EPHA6: variants seen among roughly 807,000 people sequenced by gnomAD.
The protein encoded by EPHA6 is EPH receptor A6, also known as ephrin type-A receptor 6.
EPHA6 carries 50 observed loss-of-function variants against 112.0 expected under a neutral mutation model. That is an observed-to-expected ratio of 0.45 (90% CI 0.36 to 0.56). The LOEUF is 0.56. Among genes scored for constraint, EPHA6 ranks in the 20% least tolerant of loss-of-function variants. The pLI, the probability that EPHA6 is intolerant of heterozygous loss-of-function variation, is 0.00. For synonymous variants in EPHA6, 529 were observed against 490.7 expected (o/e 1.08, Z -1.03); for missense variants, 1,280 against 1,417.4 (o/e 0.90, Z 1.56).
intron 2 of EPHA6, among the ~76,000 whole-genome samples, chr3:96,970,636 G>A (rs1055671280): frequency 1.3e-5 from 2 of 152,040 alleles, no homozygotes; most frequent in African/African-American, 4.8e-5. Context: ...AGAACCAACT[G>A]CAATCCCTGT....
At chr3:97,044,751 G>A (rs370759270) in intron 3 of EPHA6, among the ~76,000 whole-genome samples, 1 of 152,032 alleles carries the variant, frequency 6.6e-6, no homozygotes, top group African/African-American at 2.4e-5. Flanking sequence ...GCGGGACACC[G>A]ACTCAATTGG....
intron 2 of EPHA6, among the ~76,000 whole-genome samples, chr3:96,907,407 G>C (rs2038991070): frequency 6.6e-6 from 1 of 151,412 alleles, no homozygotes; most frequent in African/African-American, 2.4e-5. Context: ...TTAAAAACTA[G>C]GATTTATTAC....
At chr3:96,919,537 TA>T (rs1454291252) in intron 2 of EPHA6, among the ~76,000 whole-genome samples, 5 of 151,868 alleles carry the variant, frequency 3.3e-5, no homozygotes, top group African/African-American at 1.2e-4. Context: ...CTTTAGGGAA[TA>T]TTTTTTATAT....
At chr3:97,075,256 A>G (rs2108174315) in intron 3 of EPHA6, among the ~76,000 whole-genome samples, 1 of 152,068 alleles carries the variant, frequency 6.6e-6, no homozygotes, top group East Asian at 1.9e-4. Context: ...GTCAATTTGA[A>G]TTTTTTACTC....
At chr3:96,904,726 A>G (rs2038833092) in intron 2 of EPHA6, among the ~76,000 whole-genome samples, 1 of 152,182 alleles carries the variant, frequency 6.6e-6, no homozygotes, top group African/African-American at 2.4e-5. Flanking sequence ...TTCTCTTTGA[A>G]AAACATTGTT....
chr3:97,518,618 G>A (rs1468060633), intron 10 of EPHA6, among the ~76,000 whole-genome samples: 9 of 151,670 alleles, frequency 5.9e-5, no homozygotes, highest in Admixed American at 2.0e-4. Flanking sequence ...AAGTGTAACC[G>A]TTTTTCTGCA....
chr3:97,224,842 C>T (rs1407192890), intron 3 of EPHA6, among the ~76,000 whole-genome samples: 1 of 151,764 alleles, frequency 6.6e-6, no homozygotes, highest in Non-Finnish European at 1.5e-5. Flanking sequence ...TATAAATTGA[C>T]TAGTATGTTA....
intron 11 of EPHA6, among the ~76,000 whole-genome samples, chr3:97,568,210 T>A (rs1456294338): frequency 2.0e-5 from 3 of 152,130 alleles, no homozygotes; most frequent in Non-Finnish European, 2.9e-5. Context: ...ATGCAAAAAA[T>A]TTAAAAAATA....
intron 11 of EPHA6, among the ~76,000 whole-genome samples, chr3:97,587,624 A>G (rs1280907353): frequency 6.6e-6 from 1 of 152,190 alleles, no homozygotes; most frequent in Non-Finnish European, 1.5e-5. Context: ...TTGCTATGAT[A>G]TGGGTGGAAT....
chr3:97,378,285 G>A (rs559972126), intron 5 of EPHA6, among the ~76,000 whole-genome samples: 1 of 152,318 alleles, frequency 6.6e-6, no homozygotes, highest in African/African-American at 2.4e-5. Flanking sequence ...GGTGCACAGA[G>A]TCAAGAATTG....
intron 1 of EPHA6, among the ~76,000 whole-genome samples, chr3:96,829,652 A>G (rs2033892430): frequency 6.6e-6 from 1 of 152,110 alleles, no homozygotes; most frequent in South Asian, 2.1e-4. Flanking sequence ...TTATGGCAGT[A>G]TAGGAGCTCT....
intron 5 of EPHA6, among the ~76,000 whole-genome samples, chr3:97,311,012 G>A (rs1334761275): frequency 6.6e-6 from 1 of 151,570 alleles, no homozygotes; most frequent in Non-Finnish European, 1.5e-5. Context: ...TGATCAACCT[G>A]ATGAGTAACA....
intron 11 of EPHA6, 86 bp downstream of exon 11, chr3:97,532,629 C>G (rs1176865178): frequency 1.8e-6 from 2 of 1,085,418 alleles, no homozygotes; most frequent in Non-Finnish European, 2.6e-6. Flanking sequence ...ATAATAATAC[C>G]ACAGTCATTA....
At chr3:97,092,847 T>C (rs1359190368) in intron 3 of EPHA6, among the ~76,000 whole-genome samples, 2 of 136,898 alleles carry the variant, frequency 1.5e-5, no homozygotes, top group Non-Finnish European at 3.0e-5. Context: ...AGTTACACAA[T>C]TGCAAAAAAA....
intron 3 of EPHA6, among the ~76,000 whole-genome samples, chr3:97,038,550 T>G (rs2045195669): frequency 6.6e-6 from 1 of 152,114 alleles, no homozygotes; most frequent in Admixed American, 6.6e-5. Context: ...TCTTTATCCA[T>G]TCATTCACTG....
At chr3:97,191,039 C>T (rs897068963) in intron 3 of EPHA6, among the ~76,000 whole-genome samples, 9 of 152,182 alleles carry the variant, frequency 5.9e-5, no homozygotes, top group Middle Eastern at 3.4e-3. Flanking sequence ...CCAGTCTCCT[C>T]GCTCCCTAGC....
chr3:97,117,871 A>C (rs1408033960), intron 3 of EPHA6, among the ~76,000 whole-genome samples: 3 of 151,848 alleles, frequency 2.0e-5, no homozygotes, highest in Non-Finnish European at 2.9e-5. Context: ...TTAAAAAACA[A>C]ATCAAAATAT....
intron 3 of EPHA6, among the ~76,000 whole-genome samples, chr3:97,163,407 C>G (rs1000965819): frequency 3.9e-5 from 6 of 152,148 alleles, no homozygotes; most frequent in African/African-American, 1.4e-4. Context: ...GAGCTCATAT[C>G]AACATATTCA....
At chr3:97,048,899 A>AG (rs1288398100) in intron 3 of EPHA6, among the ~76,000 whole-genome samples, 2 of 151,960 alleles carry the variant, frequency 1.3e-5, no homozygotes, top group African/African-American at 2.4e-5. Context: ...TTTGGGGAGC[A>AG]GGGGGATGTG....
Sources: allele counts gnomAD v4.1 joint callset (sites outside exome capture counted in the v4.1 genomes callset), GRCh38; gene constraint gnomAD v4.1.1; transcripts MANE v1.5; gene names NCBI Gene and HGNC (gene_info 2026-07-23, HGNC 2026-07-21).